EXT1: variants seen among roughly 807,000 people sequenced by gnomAD.
The protein encoded by EXT1 is exostosin glycosyltransferase 1, also known as exostosin-1.
In EXT1, 20 loss-of-function variants were observed where a neutral mutation model predicts 82.5. That is an observed-to-expected ratio of 0.24 (90% CI 0.17 to 0.35). The LOEUF (loss-of-function observed/expected upper bound fraction) is 0.35, where lower values mean the gene tolerates loss of function less well. Ranked by LOEUF, EXT1 falls within the 10% of genes least tolerant of loss-of-function variation. The probability of loss-of-function intolerance (pLI) is 1.00; values close to 1 mark genes in which losing one functional copy is unlikely to be tolerated. For synonymous variants in EXT1, 348 were observed against 350.8 expected, an observed-to-expected ratio of 0.99 and a Z score of 0.09; for missense variants, 757 against 936.5, an observed-to-expected ratio of 0.81 and a Z score of 2.50.
chr8:118,025,639 CAGGCCAGCAAGTAGCTGAG>C (rs1357513053), intron 1 of EXT1, among the ~76,000 whole-genome samples: 1 of 152,156 alleles, frequency 6.6e-6, no homozygotes, highest in East Asian at 1.9e-4. Flanking sequence ...ACTGACTTGC[CAGGCCAGCAAGTAGCTGAG>C]AGGCTAAATG....
chr8:117,900,029 G>T (rs924489995), intron 1 of EXT1, among the ~76,000 whole-genome samples: 1 of 152,208 alleles, frequency 6.6e-6, no homozygotes, highest in Non-Finnish European at 1.5e-5. Flanking sequence ...AGACGGATTT[G>T]CCGAGGTGAC....
chr8:117,929,387 C>T (rs922159566), intron 1 of EXT1, among the ~76,000 whole-genome samples: 1 of 152,338 alleles, frequency 6.6e-6, no homozygotes, highest in East Asian at 1.9e-4. Context: ...ATGATACGAG[C>T]ACTTCCTCCC....
chr8:117,835,636 A>G (rs963603339), intron 2 of EXT1, 85 bp from the exon 3 acceptor site: 8 of 1,003,810 alleles, frequency 8.0e-6, no homozygotes, highest in Middle Eastern at 2.4e-4. Flanking sequence ...TACAAACTCA[A>G]TGACTGGCAT....
intron 1 of EXT1, among the ~76,000 whole-genome samples, chr8:118,028,376 C>G (rs777935410): frequency 6.6e-6 from 1 of 152,164 alleles, no homozygotes; most frequent in Non-Finnish European, 1.5e-5. Flanking sequence ...TAAAAGAATT[C>G]TTGATAGAAA....
At chr8:118,063,370 G>T (rs1816916499) in intron 1 of EXT1, among the ~76,000 whole-genome samples, 1 of 152,134 alleles carries the variant, frequency 6.6e-6, no homozygotes, top group Non-Finnish European at 1.5e-5. Context: ...CTTTAACAAG[G>T]CTTGCAGTGT....
At chr8:117,930,936 C>T (rs565130185) in intron 1 of EXT1, among the ~76,000 whole-genome samples, 19 of 152,346 alleles carry the variant, frequency 1.2e-4, no homozygotes, top group African/African-American at 4.6e-4. Flanking sequence ...AATTGTATTG[C>T]ATTAGCATGC....
chr8:117,981,978 AT>A (rs1195420188), intron 1 of EXT1, among the ~76,000 whole-genome samples: 5 of 152,168 alleles, frequency 3.3e-5, no homozygotes, highest in Admixed American at 6.5e-5. Flanking sequence ...TACAGTTTAG[AT>A]TTTTTTTCCA....
intron 7 of EXT1, among the ~76,000 whole-genome samples, chr8:117,816,977 G>A (rs1380360595): frequency 1.3e-5 from 2 of 150,760 alleles, no homozygotes; most frequent in East Asian, 3.9e-4. Context: ...CCATTCCTAT[G>A]ATGGGCTATT....
intron 1 of EXT1, among the ~76,000 whole-genome samples, chr8:118,059,671 C>G (rs573236084): frequency 6.6e-6 from 1 of 152,216 alleles, no homozygotes; most frequent in African/African-American, 2.4e-5. Flanking sequence ...CCCAACCCTA[C>G]GCAAGAACTT....
At chr8:117,941,215 C>T (rs1814266338) in intron 1 of EXT1, among the ~76,000 whole-genome samples, 1 of 152,232 alleles carries the variant, frequency 6.6e-6, no homozygotes, top group African/African-American at 2.4e-5. Flanking sequence ...TTGTCATGTG[C>T]AGGCAATCCA....
At chr8:117,994,549 T>G (rs181553701) in intron 1 of EXT1, among the ~76,000 whole-genome samples, 32 of 152,278 alleles carry the variant, frequency 2.1e-4, no homozygotes, top group African/African-American at 7.7e-4. Context: ...AGGTTGAGAC[T>G]GCAATGAGCC....
intron 1 of EXT1, among the ~76,000 whole-genome samples, chr8:118,064,229 T>G (rs1027092482): frequency 6.6e-6 from 1 of 152,150 alleles, no homozygotes; most frequent in African/African-American, 2.4e-5. Flanking sequence ...GTGCAGAATG[T>G]GCAGGTTTGT....
At chr8:118,026,095 T>C (rs1290825427) in intron 1 of EXT1, among the ~76,000 whole-genome samples, 1 of 152,156 alleles carries the variant, frequency 6.6e-6, no homozygotes, top group Non-Finnish European at 1.5e-5. Context: ...GCGGTCACCA[T>C]AATGAAAACA....
chr8:117,841,301 C>T (rs1812270230), intron 1 of EXT1, among the ~76,000 whole-genome samples: 1 of 152,112 alleles, frequency 6.6e-6, no homozygotes, highest in African/African-American at 2.4e-5. Context: ...TAAAAAGTCA[C>T]CCTCGAAAGT....
chr8:118,042,230 C>T (rs1176377346), intron 1 of EXT1, among the ~76,000 whole-genome samples: 1 of 152,136 alleles, frequency 6.6e-6, no homozygotes, highest in Non-Finnish European at 1.5e-5. Flanking sequence ...AAGAAGTCAA[C>T]AACAAAGGAG....
At chr8:117,833,268 G>T (rs1240160794) in intron 3 of EXT1, among the ~76,000 whole-genome samples, 1 of 152,112 alleles carries the variant, frequency 6.6e-6, no homozygotes, top group Non-Finnish European at 1.5e-5. Context: ...TTAGAGTCAA[G>T]CCAAAAAGTT....
At chr8:117,972,494 C>T (rs1422534095) in intron 1 of EXT1, among the ~76,000 whole-genome samples, 2 of 152,178 alleles carry the variant, frequency 1.3e-5, no homozygotes, top group East Asian at 1.9e-4. Context: ...GTCAGGAGAG[C>T]AACTTCATTA....
At chr8:117,807,429 A>G in intron 8 of EXT1, 52 bp from the exon 9 acceptor site, 1 of 1,603,062 alleles carries the variant, frequency 6.2e-7, no homozygotes, top group Non-Finnish European at 8.5e-7. Context: ...AACAAATGTC[A>G]ACAAAACATT....
chr8:117,813,713 G>A lies in EXT1; in HGVS notation c.1633-752C>T, dbSNP rs369794461. Among the ~76,000 whole-genome samples, 16 of 152,244 alleles carry A rather than the reference G, an allele frequency of 1.1e-4. No individual in the cohort carries two copies. The East Asian group carries it at 2.1e-3, about 20-fold the overall frequency. Reference sequence around the variant, plus strand: ...AAAATGAGAAGTATACTGATTTAAAGAAATATATTAGGCCAGGCGTGGTGG... The same window carrying A: ...AAAATGAGAAGTATACTGATTTAAAAAAATATATTAGGCCAGGCGTGGTGG... On this transcript the variant is annotated intron_variant, in intron 7 of 10. Coordinates refer to ENST00000378204, the MANE Select transcript of EXT1 (RefSeq NM_000127.3).
Sources: allele counts gnomAD v4.1 joint callset (sites outside exome capture counted in the v4.1 genomes callset), GRCh38; gene constraint gnomAD v4.1.1; transcripts MANE v1.5; gene names NCBI Gene and HGNC (gene_info 2026-07-23, HGNC 2026-07-21).